The following PBX1 variants were observed in gnomAD, a reference collection of about 807,000 sequenced individuals.
The protein encoded by PBX1 is pre-B-cell leukemia transcription factor 1.
PBX1 carries 6 observed loss-of-function variants against 53.4 expected under a neutral mutation model. The observed-to-expected ratio is 0.11, with a 90% CI of 0.06 to 0.22. The LOEUF (loss-of-function observed/expected upper bound fraction) is 0.22. PBX1 is among the 10% of genes least tolerant of loss of function. PBX1 has a pLI of 1.00. For missense variants in PBX1, 251 were observed against 551.4 expected (o/e 0.46, Z 5.46); for synonymous variants, 204 against 212.3 (o/e 0.96, Z 0.34).
intron 2 of PBX1, among the ~76,000 whole-genome samples, chr1:164,695,367 TC>T (rs1662747459): frequency 6.6e-6 from 1 of 152,176 alleles, no homozygotes; most frequent in Non-Finnish European, 1.5e-5. Flanking sequence ...ACCATTTTTT[TC>T]TATCTCATCA....
intron 3 of PBX1, 53 bp downstream of exon 3, chr1:164,792,791 G>A: frequency 7.2e-7 from 1 of 1,380,396 alleles, no homozygotes; most frequent in African/African-American, 1.4e-5. Context: ...AAAGGGTGGA[G>A]GAAGCACAAC....
At chr1:164,722,779 T>C (rs1316956216) in intron 2 of PBX1, among the ~76,000 whole-genome samples, 1 of 151,162 alleles carries the variant, frequency 6.6e-6, no homozygotes, top group Admixed American at 6.6e-5. Context: ...TGAAGAAGGG[T>C]ATGAACTTCA....
intron 2 of PBX1, among the ~76,000 whole-genome samples, chr1:164,742,889 C>T (rs577573067): frequency 2.5e-4 from 38 of 152,166 alleles, no homozygotes; most frequent in Admixed American, 8.5e-4. Flanking sequence ...CTGAAAGTGA[C>T]TGTAGAGCGG....
At chr1:164,707,389 A>T (rs1027778906) in intron 2 of PBX1, among the ~76,000 whole-genome samples, 4 of 134,754 alleles carry the variant, frequency 3.0e-5, no homozygotes, top group Non-Finnish European at 6.2e-5. Context: ...GACTAACACC[A>T]CTGAGGTGTG....
At chr1:164,763,474 G>T (rs1253672590) in intron 2 of PBX1, among the ~76,000 whole-genome samples, 1 of 152,198 alleles carries the variant, frequency 6.6e-6, no homozygotes. Flanking sequence ...ACTACATTTA[G>T]TTACAAGGGA....
chr1:164,716,946 A>C (rs950386569), intron 2 of PBX1, among the ~76,000 whole-genome samples: 1 of 152,132 alleles, frequency 6.6e-6, no homozygotes, highest in African/African-American at 2.4e-5. Flanking sequence ...GTTAAGTTTC[A>C]GGGTGTTTGT....
intron 2 of PBX1, among the ~76,000 whole-genome samples, chr1:164,618,106 CTG>C (rs1340753989): frequency 1.2e-4 from 18 of 152,178 alleles, no homozygotes; most frequent in Admixed American, 6.5e-5. Flanking sequence ...TGCCTGGTGT[CTG>C]TGAGCATTTC....
At chr1:164,872,648 GA>G (rs1410906217) in intron 2 of PBX1, among the ~76,000 whole-genome samples, 1 of 152,154 alleles carries the variant, frequency 6.6e-6, no homozygotes, top group East Asian at 1.9e-4. Context: ...TGCCGCCTAA[GA>G]CTGCATTTGC....
intron 5 of PBX1, among the ~76,000 whole-genome samples, chr1:164,810,195 T>C (rs1669538268): frequency 6.6e-6 from 1 of 152,212 alleles, no homozygotes; most frequent in Admixed American, 6.5e-5. Context: ...TGAATCAAAC[T>C]CTTCCCATAA....
chr1:164,822,655 CA>C (rs1401997013), intron 8 of PBX1, among the ~76,000 whole-genome samples: 1 of 152,184 alleles, frequency 6.6e-6, no homozygotes, highest in Non-Finnish European at 1.5e-5. Flanking sequence ...AGTTATTTCT[CA>C]GATCAGATGA....
chr1:164,597,822 T>G (rs1655870487), intron 2 of PBX1, among the ~76,000 whole-genome samples: 1 of 152,098 alleles, frequency 6.6e-6, no homozygotes, highest in South Asian at 2.1e-4. Flanking sequence ...TATTTAAAAA[T>G]TAAATAAATA....
chr1:164,737,586 C>G lies in PBX1; in HGVS notation c.266-54908C>G, dbSNP rs753972192. The stretch of plus-strand genomic sequence containing the variant: ...CTCTGCCTTCCGGGTTCAAGAGATT[C>G]GCCTGCCTCAGCCTCCTGAATAGCT... On this transcript the variant is annotated intron_variant, in intron 2 of 8. Transcript: ENST00000420696. Among the ~76,000 whole-genome samples the G allele has an allele frequency of 2.6e-5, 4 of 151,576 alleles. No individual in the cohort carries two copies. The South Asian group carries it at 6.3e-4, about 24-fold the overall frequency.
chr1:164,784,947 C>T (rs77442308), intron 2 of PBX1, among the ~76,000 whole-genome samples: 8,143 of 152,226 alleles, frequency 0.053, 366 homozygotes, highest in Non-Finnish European at 0.079. Context: ...CAATACAAAT[C>T]CCCCACTTTA....
chr1:164,858,384 C>G (rs918655460), intron 2 of PBX1, among the ~76,000 whole-genome samples: 5 of 151,874 alleles, frequency 3.3e-5, no homozygotes, highest in Admixed American at 2.0e-4. Flanking sequence ...CTCCAATAAA[C>G]AAGGGCCTCA....
intron 8 of PBX1, among the ~76,000 whole-genome samples, chr1:164,841,508 A>G (rs1671290351): frequency 6.6e-6 from 1 of 152,256 alleles, no homozygotes; most frequent in Admixed American, 6.5e-5. Flanking sequence ...GCAGCTAGAG[A>G]TAGGACTGGA....
At chr1:164,757,162 T>C (rs1392283767) in intron 2 of PBX1, among the ~76,000 whole-genome samples, 1 of 152,056 alleles carries the variant, frequency 6.6e-6, no homozygotes, top group Non-Finnish European at 1.5e-5. Context: ...TTGCCCCCCA[T>C]GGAAACTGGG....
intron 8 of PBX1, among the ~76,000 whole-genome samples, chr1:164,824,668 C>G (rs1409870015): frequency 6.6e-6 from 1 of 151,944 alleles, no homozygotes; most frequent in African/African-American, 2.4e-5. Flanking sequence ...CCTAAAGACC[C>G]CCTTCCTTAG....
chr1:164,681,578 G>A (rs982696503), intron 2 of PBX1, among the ~76,000 whole-genome samples: 1 of 152,160 alleles, frequency 6.6e-6, no homozygotes, highest in African/African-American at 2.4e-5. Flanking sequence ...GAGAGACTCA[G>A]CTTCAGTAAC....
At chr1:164,818,623 A>T (rs1347576826) in intron 6 of PBX1, 4 of 151,998 alleles carry the variant, frequency 2.6e-5, no homozygotes, top group African/African-American at 9.7e-5. Context: ...CAGGACAAAG[A>T]AAATTGGAGT....
Sources: gnomAD v4.1 joint callset for allele counts (sites outside exome capture counted in the v4.1 genomes callset) on GRCh38, gnomAD v4.1.1 for gene constraint, MANE v1.5 for transcripts, NCBI Gene and HGNC (gene_info 2026-07-23, HGNC 2026-07-21) for gene names.